The following KIAA0319 variants were observed in gnomAD, a reference collection of about 807,000 sequenced individuals.
KIAA0319 encodes dyslexia-associated protein KIAA0319.
In KIAA0319, 83 loss-of-function variants were observed where a neutral mutation model predicts 108.4. That is an observed-to-expected ratio of 0.77 (90% CI 0.64 to 0.92). The LOEUF is 0.92. Ranked by LOEUF, KIAA0319 falls within the 40% of genes least tolerant of loss-of-function variation. The probability of loss-of-function intolerance (pLI) is 0.00; values close to 1 mark genes in which losing one functional copy is unlikely to be tolerated. For synonymous variants in KIAA0319, 484 were observed against 510.4 expected (o/e 0.95, Z 0.70); for missense variants, 1,195 against 1,322.4 (o/e 0.90, Z 1.49).
intron 1 of KIAA0319, among the ~76,000 whole-genome samples, chr6:24,637,917 G>T (rs1776410038): frequency 6.6e-6 from 1 of 152,088 alleles, no homozygotes; most frequent in Non-Finnish European, 1.5e-5. Flanking sequence ...CACAGCTGAA[G>T]AAACTAATGA....
At chr6:24,606,023 C>T (rs1290475834) in intron 1 of KIAA0319, among the ~76,000 whole-genome samples, 3 of 152,026 alleles carry the variant, frequency 2.0e-5, no homozygotes, top group Non-Finnish European at 4.4e-5. Flanking sequence ...CAACCTCCGC[C>T]TCCCGGGGTT....
Position 24,596,532 on chromosome 6 carries a change from C to G in KIAA0319, c.142G>C (p.Val48Leu). 6.2e-7 allele frequency: 1 copy of G among 1,613,958 alleles called. No homozygotes were observed. Among genetic ancestry groups the G allele is most frequent in the Non-Finnish European group, 8.5e-7 (1 of 1,180,018 alleles). The change falls in exon 3 of 21, where the codon GTG becomes CTG. Residue 48 changes from valine (V) to leucine (L), a missense_variant. By Grantham distance (32) the Val-to-Leu change is conservative. Transcript: ENST00000378214. ...PNLETTRIMRVSHTFPVVDCT... is the reference protein window; with the variant it reads ...PNLETTRIMRLSHTFPVVDCT... The stretch of plus-strand genomic sequence containing the variant: ...TCTACGACAGGGAAGGTGTGAGACA[C>G]CCGCATGATTCTGGTGGTTTCCAAG...
At chr6:24,594,628 C>T (rs377662545) in intron 3 of KIAA0319, among the ~76,000 whole-genome samples, 1 of 86,760 alleles carries the variant, frequency 1.2e-5, no homozygotes, top group African/African-American at 5.2e-5. Flanking sequence ...CTCTGTCTCA[C>T]AAAAAAAAAA....
rs757860106 is a variant in KIAA0319, at chr6:24,582,235, C to G, written c.1191+14G>C. Reference sequence around the variant, plus strand: ...CGCTGTGCTGTTAGACACAACCAGTCTCCAGTTACTTACTTGAGAGAGGTT... The same window carrying G: ...CGCTGTGCTGTTAGACACAACCAGTGTCCAGTTACTTACTTGAGAGAGGTT... On this transcript the variant is annotated intron_variant, in intron 6 of 20. Coordinates refer to ENST00000378214, the MANE Select transcript of KIAA0319 (RefSeq NM_014809.4). 1 of 1,448,254 alleles carries G rather than the reference C, an allele frequency of 6.9e-7. No individual in the cohort carries two copies. Among genetic ancestry groups the G allele is most frequent in the South Asian group, 1.1e-5 (1 of 87,696 alleles). The allele number at this position is 1,448,254 out of a possible 1,614,324, so 89.7% of individuals were successfully genotyped here. A position where few individuals can be genotyped will look rare whatever the true frequency, so the allele number is the denominator to read the frequency against.
chr6:24,590,384 A>G (rs572725250), intron 3 of KIAA0319, among the ~76,000 whole-genome samples: 5 of 152,246 alleles, frequency 3.3e-5, no homozygotes, highest in African/African-American at 1.2e-4. Flanking sequence ...TTTAAAAATC[A>G]GGTAGTGGGT....
chr6:24,586,955 G>A (rs1322075150), intron 4 of KIAA0319, among the ~76,000 whole-genome samples: 3 of 151,804 alleles, frequency 2.0e-5, no homozygotes, highest in Non-Finnish European at 2.9e-5. Flanking sequence ...CAGTCCTCAG[G>A]CCTCTCCTCA....
chr6:24,566,572 G>A, intron 14 of KIAA0319, 25 bp downstream of exon 14: 2 of 1,586,442 alleles, frequency 1.3e-6, no homozygotes, highest in Non-Finnish European at 1.7e-6. Context: ...AAGTGGTCTA[G>A]GAGCAATTCT....
rs753196936 is a variant in KIAA0319 at position 24,580,928 on chromosome 6, G to C, written c.1277C>G (p.Pro426Arg). The stretch of plus-strand genomic sequence containing the variant: ...GTCATTCTCTTACACCGGCTTACCA[G>C]GCTTAACAGTGACATTGACAAATCC... Reference protein sequence around the residue: ...GEGFVNVTVKPARRVNLPPVA... With the variant: ...GEGFVNVTVKRARRVNLPPVA... The change falls in exon 7 of 21, where the codon CCT becomes CGT. Residue 426 changes from proline (P) to arginine (R), a missense_variant and splice_region_variant. Coordinates refer to ENST00000378214, the MANE Select transcript of KIAA0319 (RefSeq NM_014809.4). 6.2e-7 allele frequency: 1 copy of C among 1,605,016 alleles called. No homozygotes were observed. The highest frequency in any genetic ancestry group is 1.1e-5 in the South Asian group (1 of 90,896).
rs1767967982 is a variant in KIAA0319 at position 24,588,772 on chromosome 6, G to A, written c.815C>T (p.Ser272Phe). Reference sequence around the variant, plus strand: ...CAGGCTTGCCGGAGGAAGACTATGGGAAGGCATTAGAACCTACGAGATCAA... The same window carrying A: ...CAGGCTTGCCGGAGGAAGACTATGGAAAGGCATTAGAACCTACGAGATCAA... The part of the protein sequence containing the change: ...NSSGKEVLMP[S>F]HSLPPASLEL... Residue 272 changes from serine (S) to phenylalanine (F), a missense_variant, in exon 4 of 21, where the codon TCC becomes TTC. Ser to Phe is a radical substitution (Grantham distance 155). Coordinates refer to ENST00000378214, the MANE Select transcript of KIAA0319 (RefSeq NM_014809.4). 6.2e-7 allele frequency: 1 copy of A among 1,613,438 alleles called. No individual in the cohort carries two copies. Among genetic ancestry groups the A allele is most frequent in the East Asian group, 2.2e-5 (1 of 44,866 alleles).
intron 2 of KIAA0319, 72 bp downstream of exon 2, chr6:24,600,977 T>G (rs959092014): frequency 3.1e-6 from 5 of 1,587,936 alleles, no homozygotes; most frequent in Non-Finnish European, 4.3e-6. Context: ...CACCTCAGGT[T>G]GATCTGAGTT....
chr6:24,623,730 A>G (rs1360863585), intron 1 of KIAA0319, among the ~76,000 whole-genome samples: 1 of 152,200 alleles, frequency 6.6e-6, no homozygotes, highest in African/African-American at 2.4e-5. Flanking sequence ...TAGGGTGACT[A>G]TAGTTAACAA....
rs144732555 is a variant in KIAA0319, at chr6:24,596,062, C to G, written c.612G>C (p.Ala204=). 2 of 1,613,988 alleles carry G rather than the reference C, an allele frequency of 1.2e-6. No individual in the cohort carries two copies. The highest frequency in any genetic ancestry group is 2.2e-5 in the East Asian group (1 of 44,880). The part of the protein sequence containing the change: ...AFNSSVGDSP[A]VPAETQQDPE... ...GGTCCTGCTGCGTCTCCGCTGGCAC[C>G]GCAGGACTGTCTCCAACAGAGGAGT... Residue 204 remains alanine (A), a synonymous_variant, in exon 3 of 21, where the codon GCG becomes GCC. Coordinates refer to ENST00000378214, the MANE Select transcript of KIAA0319 (RefSeq NM_014809.4).
chr6:24,579,434 T>TATATA (rs1460753947), intron 8 of KIAA0319, among the ~76,000 whole-genome samples: 3 of 120,300 alleles, frequency 2.5e-5, no homozygotes, highest in African/African-American at 3.4e-5. Context: ...TATATATATC[T>TATATA]TATATATCTC....
At position 24,581,039 on chromosome 6, in the gene KIAA0319, G is replaced by C. The variant is rs1458041996; in HGVS notation, c.1192-26C>G. ...CTGTAACATAAAGAAAAGTTGTACA[G>C]TTCAACATGCAAGACGTGATGGGTC... On this transcript the variant is annotated intron_variant, in intron 6 of 20. Coordinates refer to ENST00000378214, the MANE Select transcript of KIAA0319 (RefSeq NM_014809.4). The C allele has an allele frequency of 2.1e-6, 3 of 1,456,162 alleles. No individual in the cohort carries two copies. In the Admixed American group the frequency reaches 5.0e-5, roughly 24 times the overall value. The allele number at this position is 1,456,162 out of a possible 1,614,324, so 90.2% of individuals were successfully genotyped here. A position where few individuals can be genotyped will look rare whatever the true frequency, so the allele number is the denominator to read the frequency against.
At chr6:24,554,107 G>T (rs1761964811) in intron 19 of KIAA0319, among the ~76,000 whole-genome samples, 1 of 152,188 alleles carries the variant, frequency 6.6e-6, no homozygotes, top group African/African-American at 2.4e-5. Context: ...TCCTTAACCT[G>T]TGGGATCTGA....
intron 1 of KIAA0319, among the ~76,000 whole-genome samples, chr6:24,642,672 CA>C (rs1279352222): frequency 1.3e-5 from 2 of 151,966 alleles, no homozygotes; most frequent in African/African-American, 2.4e-5. Context: ...TCCTCTTATT[CA>C]AGCTACATTG....
intron 1 of KIAA0319, among the ~76,000 whole-genome samples, chr6:24,633,288 A>G (rs1775806976): frequency 6.6e-6 from 1 of 152,250 alleles, no homozygotes; most frequent in Non-Finnish European, 1.5e-5. Context: ...GACCAAAAGC[A>G]TTCCCAATAT....
chr6:24,592,937 A>G (rs1331963973), intron 3 of KIAA0319, among the ~76,000 whole-genome samples: 13 of 152,066 alleles, frequency 8.5e-5, no homozygotes. Context: ...ACGCTGCTCC[A>G]CTCCAGCCTC....
intron 1 of KIAA0319, among the ~76,000 whole-genome samples, chr6:24,608,279 C>T (rs952437479): frequency 3.3e-5 from 5 of 151,940 alleles, no homozygotes; most frequent in African/African-American, 1.2e-4. Context: ...GGAGAAAAAT[C>T]TTAAATAAAT....
Sources: gnomAD v4.1 joint callset for allele counts (sites outside exome capture counted in the v4.1 genomes callset) on GRCh38, gnomAD v4.1.1 for gene constraint, MANE v1.5 for transcripts, NCBI Gene and HGNC (gene_info 2026-07-23, HGNC 2026-07-21) for gene names.